Variants in LRRC7 observed in about 807,000 individuals in gnomAD.
LRRC7 encodes leucine-rich repeat-containing protein 7.
LRRC7 carries 23 observed loss-of-function variants against 175.7 expected under a neutral mutation model. The ratio of observed to expected loss-of-function variants is 0.13; its 90% CI spans 0.09 to 0.19. LRRC7 has a LOEUF of 0.19. Among genes scored for constraint, LRRC7 ranks in the 10% least tolerant of loss-of-function variants. LRRC7 has a pLI of 1.00. For synonymous variants in LRRC7, 685 were observed against 680.9 expected (o/e 1.01, Z -0.09); for missense variants, 1,354 against 1,904.7 (o/e 0.71, Z 5.38).
At chr1:69,835,050 C>A (rs770453638) in intron 6 of LRRC7, among the ~76,000 whole-genome samples, 181 bp downstream of exon 6, 1 of 151,498 alleles carries the variant, frequency 6.6e-6, no homozygotes, top group African/African-American at 2.4e-5. Flanking sequence ...AAAATTAGGC[C>A]TTTACATGAC....
intron 4 of LRRC7, among the ~76,000 whole-genome samples, chr1:69,796,355 T>C (rs1557740202): frequency 6.6e-6 from 1 of 151,936 alleles, no homozygotes; most frequent in Non-Finnish European, 1.5e-5. Flanking sequence ...TAGTACCAGA[T>C]TGTAATTTCC....
intron 4 of LRRC7, among the ~76,000 whole-genome samples, chr1:69,814,331 T>C (rs1678327059): frequency 6.6e-6 from 1 of 152,144 alleles, no homozygotes; most frequent in South Asian, 2.1e-4. Context: ...TTAATACAGC[T>C]TCAAAATTAT....
At chr1:69,584,739 A>G (rs1646339294) in intron 1 of LRRC7, among the ~76,000 whole-genome samples, 1 of 152,130 alleles carries the variant, frequency 6.6e-6, no homozygotes, top group Admixed American at 6.5e-5. Flanking sequence ...AAAAATTAAT[A>G]TGTTTTCTTA....
chr1:69,921,994 C>T (rs1007626610), intron 7 of LRRC7, among the ~76,000 whole-genome samples: 12 of 152,138 alleles, frequency 7.9e-5, no homozygotes, highest in African/African-American at 2.9e-4. Flanking sequence ...GGCACTATCT[C>T]GGCTCACTGC....
rs115929131 is a variant in LRRC7, at chr1:69,672,394, T to C, written c.3-5987T>C. 4.3e-3 allele frequency among the ~76,000 whole-genome samples: 655 copies of C among 152,344 alleles called. 6 individuals are homozygous for C. Among genetic ancestry groups the C allele is most frequent in the African/African-American group, 0.015 (628 of 41,590 alleles). On this transcript the variant is annotated intron_variant, in intron 1 of 26. Transcript: ENST00000651989. The stretch of plus-strand genomic sequence containing the variant: ...ATTTCCATCATTGCAGAAAGTTCTA[T>C]TGCACAACCCACTTCATAGTTAACT...
chr1:69,615,664 A>G (rs889360784), intron 1 of LRRC7, among the ~76,000 whole-genome samples: 1 of 152,092 alleles, frequency 6.6e-6, no homozygotes, highest in Admixed American at 6.6e-5. Flanking sequence ...TTTTATATAC[A>G]TGCATATACA....
chr1:69,947,513 T>C (rs1649463544), intron 8 of LRRC7, among the ~76,000 whole-genome samples: 1 of 152,108 alleles, frequency 6.6e-6, no homozygotes, highest in South Asian at 2.1e-4. Flanking sequence ...CAACTTAACT[T>C]CAATCATATA....
At chr1:70,033,473 C>T (rs987019218) in intron 18 of LRRC7, among the ~76,000 whole-genome samples, 5 of 152,242 alleles carry the variant, frequency 3.3e-5, no homozygotes, top group Non-Finnish European at 5.9e-5. Flanking sequence ...TCATCATCAT[C>T]ACTTCGTTCA....
intron 24 of LRRC7, among the ~76,000 whole-genome samples, chr1:70,086,758 A>G (rs546818410): frequency 6.6e-6 from 1 of 152,280 alleles, no homozygotes. Context: ...AAATAAATTA[A>G]AAGAAAATTA....
intron 16 of LRRC7, 51 bp downstream of exon 16, chr1:70,021,180 G>T: frequency 6.4e-7 from 1 of 1,569,884 alleles, no homozygotes; most frequent in Non-Finnish European, 8.7e-7. Context: ...CTTTTTGTTT[G>T]TCCGTTTTTC....
chr1:69,886,240 G>A (rs1687181507), intron 7 of LRRC7, among the ~76,000 whole-genome samples: 1 of 151,836 alleles, frequency 6.6e-6, no homozygotes, highest in Non-Finnish European at 1.5e-5. Context: ...CATTGTTAAT[G>A]TGTGGGAGTC....
chr1:69,684,034 A>G (rs1002414422), intron 2 of LRRC7, among the ~76,000 whole-genome samples: 6 of 152,190 alleles, frequency 3.9e-5, no homozygotes, highest in African/African-American at 1.2e-4. Flanking sequence ...AACAAAAATG[A>G]TAAAAGATTT....
chr1:69,807,470 G>A (rs1677263983), intron 4 of LRRC7, among the ~76,000 whole-genome samples: 1 of 151,998 alleles, frequency 6.6e-6, no homozygotes, highest in Non-Finnish European at 1.5e-5. Flanking sequence ...CTTCCTTCAG[G>A]AGCTCTTGTA....
intron 7 of LRRC7, among the ~76,000 whole-genome samples, chr1:69,856,329 T>C (rs899800132): frequency 5.3e-5 from 8 of 152,056 alleles, no homozygotes; most frequent in Non-Finnish European, 4.4e-5. Context: ...CAGGAGCTGG[T>C]TTTTTGAAAA....
chr1:69,608,856 CTCTCTCTCTCTATA>C (rs1349119984), intron 1 of LRRC7, among the ~76,000 whole-genome samples: 1,336 of 28,600 alleles, frequency 0.047, 3 homozygotes, highest in Non-Finnish European at 0.056. Context: ...CTCTCTCTCT[CTCTCTCTCTCTATA>C]TATATATATA....
At chr1:69,662,034 G>A (rs1657544222) in intron 1 of LRRC7, among the ~76,000 whole-genome samples, 2 of 152,068 alleles carry the variant, frequency 1.3e-5, no homozygotes, top group Non-Finnish European at 1.5e-5. Context: ...TTTCATTTAG[G>A]CAACTTTGCT....
At chr1:69,732,858 T>C (rs1381652641) in intron 2 of LRRC7, among the ~76,000 whole-genome samples, 1 of 152,014 alleles carries the variant, frequency 6.6e-6, no homozygotes, top group Non-Finnish European at 1.5e-5. Flanking sequence ...ACCATAGATA[T>C]AAAGCATATT....
chr1:69,569,683 C>G (rs1345869048), intron 1 of LRRC7, among the ~76,000 whole-genome samples: 1 of 151,996 alleles, frequency 6.6e-6, no homozygotes, highest in Admixed American at 6.6e-5. Context: ...CACTACTTCT[C>G]GGCCATCAGG....
chr1:69,726,985 A>G (rs72675028), intron 2 of LRRC7, among the ~76,000 whole-genome samples: 11,417 of 152,138 alleles, frequency 0.075, 568 homozygotes, highest in Middle Eastern at 0.15. Context: ...CAGGAGAATT[A>G]TTGGGTGGTT....
Sources: gnomAD v4.1 joint callset for allele counts (sites outside exome capture counted in the v4.1 genomes callset) on GRCh38, gnomAD v4.1.1 for gene constraint, MANE v1.5 for transcripts, NCBI Gene and HGNC (gene_info 2026-07-23, HGNC 2026-07-21) for gene names.